The following TRAM1 variants were observed in gnomAD, a reference collection of about 807,000 sequenced individuals.
TRAM1 encodes the protein translocating chain-associated membrane protein 1.
A neutral mutation model predicts 48.7 loss-of-function variants in TRAM1; 17 were observed. The ratio of observed to expected loss-of-function variants is 0.35; its 90% CI spans 0.24 to 0.52. TRAM1 has a LOEUF of 0.52. Ranked by LOEUF, TRAM1 falls within the 20% of genes least tolerant of loss-of-function variation. The pLI, the probability that TRAM1 is intolerant of heterozygous loss-of-function variation, is 0.94. For missense variants in TRAM1, 351 were observed against 441.5 expected (o/e 0.79, Z 1.84); for synonymous variants, 182 against 154.0 (o/e 1.18, Z -1.34).
In TRAM1 at chr8:70,583,149, T is replaced by G; in HGVS notation, c.1051+15A>C. ...TCTACTTCCATGAGTTTTTCATTGC[T>G]TACTGAATACAAACCTGTTCCTTTT... is the stretch of plus-strand genomic sequence containing the variant. On this transcript the variant is annotated intron_variant, in intron 10 of 10. Transcript: ENST00000262213. 6.2e-7 allele frequency: 1 copy of G among 1,601,456 alleles called. No homozygotes were observed. Among genetic ancestry groups the G allele is most frequent in the Non-Finnish European group, 8.5e-7 (1 of 1,175,312 alleles).
chr8:70,577,131 G>A lies in TRAM1; in HGVS notation c.1052-2126C>T, dbSNP rs530502906. Among the ~76,000 whole-genome samples the A allele has an allele frequency of 2.5e-4, 38 of 152,290 alleles. 1 individual carries two copies. The highest frequency in any genetic ancestry group is 8.9e-4 in the African/African-American group (37 of 41,562). On this transcript the variant is annotated intron_variant, in intron 10 of 10. Transcript: ENST00000262213. ...TCCAAAGTTCCCAAGGCAGCTCCCT[G>A]CTCCCTTGGCCCTGTCAGGACTTTG...
In TRAM1 at chr8:70,575,076, G is replaced by A; in HGVS notation, c.1052-71C>T. 4.6e-6 allele frequency: 5 copies of A among 1,089,904 alleles called. No individual in the cohort carries two copies. The East Asian group carries it at 7.7e-5, about 17-fold the overall frequency. The allele number at this position is 1,089,904 out of a possible 1,614,324, so 67.5% of individuals were successfully genotyped here. ...GCAAGTTATAATCTTTATATGTAAAGATACCTTCAGAAAAGAAAATGTAAA... is the reference window on the plus strand; with the variant it reads ...GCAAGTTATAATCTTTATATGTAAAAATACCTTCAGAAAAGAAAATGTAAA... On this transcript the variant is annotated intron_variant, in intron 10 of 10. Transcript: ENST00000262213.
intron 2 of TRAM1, among the ~76,000 whole-genome samples, chr8:70,599,348 TA>T (rs1817557514): frequency 6.6e-6 from 1 of 152,108 alleles, no homozygotes; most frequent in African/African-American, 2.4e-5. Flanking sequence ...ACATTCTAAA[TA>T]AAAAACTGTG....
intron 1 of TRAM1, among the ~76,000 whole-genome samples, chr8:70,602,961 T>C (rs1563391522): frequency 1.3e-5 from 2 of 152,192 alleles, no homozygotes. Flanking sequence ...AGCTGAACTC[T>C]GTTATCCTAG....
intron 1 of TRAM1, among the ~76,000 whole-genome samples, 156 bp from the exon 2 acceptor site, chr8:70,600,238 T>G (rs1462008475): frequency 6.6e-6 from 1 of 152,192 alleles, no homozygotes; most frequent in African/African-American, 2.4e-5. Context: ...AATTACTGAT[T>G]GCCAAGGAGC....
At chr8:70,603,220 T>C (rs1270860319) in intron 1 of TRAM1, among the ~76,000 whole-genome samples, 1 of 151,874 alleles carries the variant, frequency 6.6e-6, no homozygotes, top group Non-Finnish European at 1.5e-5. Flanking sequence ...TCATTTAGTT[T>C]TGCTATCTTT....
intron 7 of TRAM1, 22 bp downstream of exon 7, chr8:70,587,084 C>T (rs1817238871): frequency 1.9e-6 from 3 of 1,613,332 alleles, no homozygotes; most frequent in African/African-American, 2.7e-5. Context: ...TACTTACACA[C>T]CCATGAAATA....
chr8:70,583,897 C>A, intron 8 of TRAM1, 104 bp from the exon 9 acceptor site: 1 of 1,334,042 alleles, frequency 7.5e-7, no homozygotes, highest in Non-Finnish European at 9.9e-7. Context: ...CCTGTAATCC[C>A]AGCTACTTGG....
intron 5 of TRAM1, 43 bp from the exon 6 acceptor site, chr8:70,594,633 T>C (rs1221180859): frequency 5.4e-6 from 8 of 1,473,824 alleles, no homozygotes; most frequent in Non-Finnish European, 5.5e-6. Context: ...TAAAGCATAA[T>C]TTTTTTAAAA....
At position 70,608,224 on chromosome 8, in the gene TRAM1, A is replaced by G; in HGVS notation, c.-25T>C. 6.3e-7 allele frequency: 1 copy of G among 1,575,446 alleles called. No homozygotes were observed. The highest frequency in any genetic ancestry group is 8.6e-7 in the Non-Finnish European group (1 of 1,164,774). On this transcript the variant is annotated 5_prime_UTR_variant, in exon 1 of 11. Transcript: ENST00000262213. ...TGGTGGGGCCGCCGCCCGCGCCTGC[A>G]GGTGCTCCGCCCCGGTTCTGCTCTT...
At position 70,583,235 on chromosome 8, in the gene TRAM1, G is replaced by A. The variant is rs761960464; in HGVS notation, c.980C>T (p.Ser327Phe). ...CTTCACAGCTGGTGCCTGAAAAGCA[G>A]AATGTTCCCTCCACCTTCGAAGCTG... Reference protein sequence around the residue: ...NFQLRRWREHSAFQAPAVKKK... With the variant: ...NFQLRRWREHFAFQAPAVKKK... Residue 327 changes from serine to phenylalanine, a missense_variant, in exon 10 of 11, where the codon TCT (serine) becomes TTT (phenylalanine). Ser to Phe is a radical substitution (Grantham distance 155). Transcript: ENST00000262213. 1.2e-6 allele frequency: 2 copies of A among 1,614,020 alleles called. No homozygotes were observed. The highest frequency in any genetic ancestry group is 2.2e-5 in the South Asian group (2 of 91,078).
intron 10 of TRAM1, among the ~76,000 whole-genome samples, chr8:70,581,875 A>G (rs765181469): frequency 2.6e-5 from 4 of 152,206 alleles, no homozygotes; most frequent in South Asian, 2.1e-4. Context: ...CACATATCAC[A>G]TGGTTCTGTT....
At chr8:70,597,394 G>C (rs922829073) in intron 4 of TRAM1, among the ~76,000 whole-genome samples, 1 of 152,002 alleles carries the variant, frequency 6.6e-6, no homozygotes. Context: ...AAGTAAGGCC[G>C]GGCTTGGTGG....
chr8:70,594,679 A>G, intron 5 of TRAM1, 89 bp from the exon 6 acceptor site: 1 of 998,666 alleles, frequency 1.0e-6, no homozygotes, highest in Admixed American at 2.6e-5. Flanking sequence ...GGATATACTA[A>G]GTAACTACCT....
In TRAM1 at chr8:70,587,151, T is replaced by C. The variant is rs1586756083; in HGVS notation, c.596A>G (p.Tyr199Cys). Residue 199 changes from tyrosine (Y) to cysteine (C), a missense_variant, in exon 7 of 11, where the codon TAC (tyrosine) becomes TGC (cysteine). Coordinates refer to ENST00000262213, the MANE Select transcript of TRAM1 (RefSeq NM_014294.6). ...KKEDIPRQLV[Y>C]IGLYLFHIAG... is the part of the protein sequence containing the mutation. The stretch of plus-strand genomic sequence containing the variant: ...AATGTGGAAGAGGTAAAGACCAATG[T>C]AGACAAGCTGACGAGGAATATCTTC... The C allele has an allele frequency of 1.2e-6, 2 of 1,613,940 alleles. No individual in the cohort carries two copies. Among genetic ancestry groups the C allele is most frequent in the Middle Eastern group, 1.7e-4 (1 of 6,058 alleles).
At position 70,583,329 on chromosome 8, in the gene TRAM1, G is replaced by C. The variant is rs781512251; in HGVS notation, c.891-5C>G. On this transcript the variant is annotated splice_polypyrimidine_tract_variant and splice_region_variant and intron_variant, in intron 9 of 10. Transcript: ENST00000262213. Reference sequence around the variant, plus strand: ...ATGGATGCCAGAACAGCGATTCTAAGAAATATTAAGACATAAAAAGTTAGT... The same window carrying C: ...ATGGATGCCAGAACAGCGATTCTAACAAATATTAAGACATAAAAAGTTAGT... The C allele has an allele frequency of 6.2e-7, 1 of 1,611,758 alleles. No homozygotes were observed. The highest frequency in any genetic ancestry group is 8.5e-7 in the Non-Finnish European group (1 of 1,179,020).
At chr8:70,584,586 C>G (rs1267873767) in intron 8 of TRAM1, among the ~76,000 whole-genome samples, 1 of 152,190 alleles carries the variant, frequency 6.6e-6, no homozygotes, top group African/African-American at 2.4e-5. Context: ...TCAGCAAAGT[C>G]TCAGGATACA....
intron 8 of TRAM1, among the ~76,000 whole-genome samples, chr8:70,584,000 C>T (rs1231328898): frequency 1.3e-5 from 2 of 151,616 alleles, no homozygotes; most frequent in East Asian, 3.9e-4. Flanking sequence ...GCAACAAGAG[C>T]GAAACTCCAT....
intron 10 of TRAM1, among the ~76,000 whole-genome samples, chr8:70,576,804 C>A (rs1816963183): frequency 6.6e-6 from 1 of 152,132 alleles, no homozygotes; most frequent in Admixed American, 6.5e-5. Flanking sequence ...GAGTCCCGCA[C>A]TCCTGGGCAC....
Sources: gnomAD v4.1 joint callset for allele counts (sites outside exome capture counted in the v4.1 genomes callset) on GRCh38, gnomAD v4.1.1 for gene constraint, MANE v1.5 for transcripts, NCBI Gene and HGNC (gene_info 2026-07-23, HGNC 2026-07-21) for gene names.